The following URGCP variants were observed in gnomAD, a reference collection of about 807,000 sequenced individuals.
The protein encoded by URGCP is upregulator of cell proliferation, also known as up-regulator of cell proliferation.
Under a neutral mutation model 24.6 loss-of-function variants are expected in URGCP, and 13 were observed. The ratio of observed to expected loss-of-function variants is 0.53; its 90% confidence interval spans 0.34 to 0.84. The LOEUF is 0.84. Ranked by LOEUF, URGCP falls within the 40% of genes least tolerant of loss-of-function variation. The pLI is 0.01. For missense variants in URGCP, 899 were observed against 1,194.3 expected (o/e 0.75, Z 3.64); for synonymous variants, 444 against 487.2 (o/e 0.91, Z 1.17).
intron 1 of URGCP, among the ~76,000 whole-genome samples, chr7:43,900,113 C>A (rs2095887236): frequency 6.6e-6 from 1 of 151,536 alleles, no homozygotes; most frequent in Non-Finnish European, 1.5e-5. Context: ...CCATTGCACT[C>A]CAGCCTGGGA....
Position 43,877,393 on chromosome 7 carries a change from T to C in URGCP, c.2070A>G (p.Ser690=), listed in dbSNP as rs774203738. ...KELHVRLERR[S]RLVVLSTVGV... is the part of the protein sequence containing the mutation. ...CGACGGTTGACAGAACCACCAGCCTTGACCGTCTCTCCAGTCGGACGTGCA... is the reference window on the plus strand; with the variant it reads ...CGACGGTTGACAGAACCACCAGCCTCGACCGTCTCTCCAGTCGGACGTGCA... Residue 690 remains serine, a synonymous_variant, in exon 6 of 6, where the codon TCA becomes TCG. Transcript: ENST00000453200. The C allele has an allele frequency of 1.2e-6, 2 of 1,613,318 alleles. No individual in the cohort carries two copies. The highest frequency in any genetic ancestry group is 1.7e-6 in the Non-Finnish European group (2 of 1,180,028).
At chr7:43,893,133 G>A (rs2095873470) in intron 1 of URGCP, among the ~76,000 whole-genome samples, 1 of 151,940 alleles carries the variant, frequency 6.6e-6, no homozygotes, top group Non-Finnish European at 1.5e-5. Flanking sequence ...TTTGAGAGTG[G>A]CCTGGACAAC....
At chr7:43,904,819 C>T (rs911198516) in intron 1 of URGCP, among the ~76,000 whole-genome samples, 1 of 152,282 alleles carries the variant, frequency 6.6e-6, no homozygotes, top group Admixed American at 6.5e-5. Context: ...TATGGTACAG[C>T]CTGTTGCTCT....
At chr7:43,905,134 C>G (rs1021988420) in intron 1 of URGCP, among the ~76,000 whole-genome samples, 6 of 152,088 alleles carry the variant, frequency 3.9e-5, no homozygotes, top group Non-Finnish European at 7.4e-5. Flanking sequence ...ACCAGTGAAG[C>G]ATTAAGTCCA....
At chr7:43,919,857 C>G in intron 1 of URGCP, 1 of 1,289,282 alleles carries the variant, frequency 7.8e-7, no homozygotes, top group South Asian at 1.2e-5. Flanking sequence ...CATCTCCTCA[C>G]TCTTCTAGAG....
At chr7:43,910,764 T>G (rs11770244), upstream of URGCP, 22,823 of 151,896 alleles carry the variant, frequency 0.15, 1,841 homozygotes, top group Admixed American at 0.19. Context: ...GCTGAGATGG[T>G]AGGATCTCTT....
chr7:43,880,049 A>G (rs2095851538), intron 5 of URGCP, among the ~76,000 whole-genome samples: 1 of 151,804 alleles, frequency 6.6e-6, no homozygotes, highest in South Asian at 2.1e-4. Flanking sequence ...TCTGCCTCCC[A>G]AGTAGCTGGA....
At chr7:43,894,002 T>C (rs1041341876) in intron 1 of URGCP, among the ~76,000 whole-genome samples, 3 of 152,198 alleles carry the variant, frequency 2.0e-5, no homozygotes, top group African/African-American at 7.2e-5. Flanking sequence ...AAGGTCATTA[T>C]ATAATGATAA....
upstream of URGCP, among the ~76,000 whole-genome samples, chr7:43,908,371 C>T (rs1389654963): frequency 6.6e-6 from 1 of 152,184 alleles, no homozygotes; most frequent in Admixed American, 6.5e-5. Flanking sequence ...AGCCACCATG[C>T]CTGGCCTAAA....
Position 43,877,387 on chromosome 7 carries a change from C to G in URGCP, c.2076G>C (p.Leu692=). The G allele has an allele frequency of 6.2e-7, 1 of 1,613,128 alleles. No individual in the cohort carries two copies. The highest frequency in any genetic ancestry group is 8.5e-7 in the Non-Finnish European group (1 of 1,180,004). ...LHVRLERRSR[L]VVLSTVGVPG... is the part of the protein sequence containing the mutation. Reference sequence around the variant, plus strand: ...GCACCCCGACGGTTGACAGAACCACCAGCCTTGACCGTCTCTCCAGTCGGA... The same window carrying G: ...GCACCCCGACGGTTGACAGAACCACGAGCCTTGACCGTCTCTCCAGTCGGA... Residue 692 remains leucine, a synonymous_variant, in exon 6 of 6, where the codon CTG becomes CTC. Transcript: ENST00000453200.
chr7:43,880,324 A>T (rs1021411720), intron 5 of URGCP, among the ~76,000 whole-genome samples: 1 of 152,234 alleles, frequency 6.6e-6, no homozygotes, highest in Non-Finnish European at 1.5e-5. Context: ...CCTATACAAT[A>T]TAAGATCTTA....
At chr7:43,898,831 G>A (rs963031496) in intron 1 of URGCP, among the ~76,000 whole-genome samples, 4 of 146,912 alleles carry the variant, frequency 2.7e-5, no homozygotes, top group Non-Finnish European at 6.0e-5. Context: ...GATTTTCAGA[G>A]AGGAAAGAGT....
chr7:43,914,651 C>T (rs74839977), intron 1 of URGCP, among the ~76,000 whole-genome samples: 14,292 of 152,196 alleles, frequency 0.094, 854 homozygotes, highest in Middle Eastern at 0.16. Context: ...TGGACTGCAT[C>T]CCCAGATGGT....
At chr7:43,895,812 G>A (rs1015937619) in intron 1 of URGCP, among the ~76,000 whole-genome samples, 1 of 152,186 alleles carries the variant, frequency 6.6e-6, no homozygotes, top group South Asian at 2.1e-4. Context: ...AATAAAACTA[G>A]CATGTGATTC....
At chr7:43,904,370 C>G (rs542371911) in intron 1 of URGCP, among the ~76,000 whole-genome samples, 1 of 152,244 alleles carries the variant, frequency 6.6e-6, no homozygotes, top group Non-Finnish European at 1.5e-5. Context: ...TCCTTCCCAA[C>G]TCATGGAGAT....
intron 1 of URGCP, among the ~76,000 whole-genome samples, chr7:43,917,652 C>T (rs1166447758): frequency 6.6e-6 from 1 of 152,174 alleles, no homozygotes. Context: ...TTTCTCTGAA[C>T]ACCTGGGAGG....
chr7:43,893,026 C>CA (rs1310459629), intron 1 of URGCP, among the ~76,000 whole-genome samples: 3 of 151,774 alleles, frequency 2.0e-5, no homozygotes, highest in Admixed American at 6.6e-5. Context: ...CCTATCTCTA[C>CA]AAAAAAATAA....
chr7:43,889,006 G>C (rs2095866351), intron 1 of URGCP: 1 of 152,204 alleles, frequency 6.6e-6, no homozygotes, highest in African/African-American at 2.4e-5. Context: ...GCCAGCCTGA[G>C]GAACTCTCAC....
chr7:43,921,155 C>T (rs1415443002), intron 1 of URGCP, among the ~76,000 whole-genome samples: 1 of 152,014 alleles, frequency 6.6e-6, no homozygotes, highest in Non-Finnish European at 1.5e-5. Flanking sequence ...GAAACCCTGT[C>T]TCTATTAAAT....
Sources: allele counts gnomAD v4.1 joint callset (sites outside exome capture counted in the v4.1 genomes callset), GRCh38; gene constraint gnomAD v4.1.1; transcripts MANE v1.5; gene names NCBI Gene and HGNC (gene_info 2026-07-23, HGNC 2026-07-21).